Variants in DPP6 observed in about 807,000 individuals in gnomAD.
DPP6 encodes dipeptidyl peptidase like 6.
DPP6 carries 69 observed loss-of-function variants against 122.6 expected under a neutral mutation model. The ratio of observed to expected loss-of-function variants is 0.56; its 90% CI spans 0.46 to 0.69. The LOEUF (loss-of-function observed/expected upper bound fraction) is 0.69, where lower values mean the gene tolerates loss of function less well. DPP6 is among the 30% of genes least tolerant of loss of function. DPP6 has a pLI of 0.00. For missense variants in DPP6, 928 were observed against 1,116.9 expected (o/e 0.83, Z 2.41); for synonymous variants, 418 against 433.1 (o/e 0.97, Z 0.43).
the DPP6 span, among the ~76,000 whole-genome samples, chr7:153,827,430 G>T: frequency 6.6e-6 from 1 of 152,096 alleles, no homozygotes; most frequent in African/African-American, 2.4e-5. Flanking sequence ...AATGTAAGAT[G>T]ACTCTGAAAG....
intron 1 of DPP6, among the ~76,000 whole-genome samples, chr7:153,973,632 C>T (rs1195057917): frequency 7.0e-5 from 8 of 113,514 alleles, no homozygotes; most frequent in African/African-American, 2.5e-4. Flanking sequence ...CACCATCGCT[C>T]GTGTGTGTGT....
In DPP6 at chr7:154,760,841, GT is replaced by G. The variant is rs60134336; in HGVS notation, c.884-8563del. On this transcript the variant is annotated intron_variant, in intron 8 of 25. Transcript: ENST00000377770. This position sits in a 1 kb window ranked among gnomAD's most constrained non-coding sequence, Gnocchi z 4.5. ...TCAGCCTTCCTCTTTCAAAACTTTT[GT>G]TTTTTTTTTTTTGAGACAGTCTTGC... 1.6e-4 allele frequency among the ~76,000 whole-genome samples: 23 copies of G among 145,536 alleles called. No individual in the cohort carries two copies. The highest frequency in any genetic ancestry group is 2.2e-4 in the South Asian group (1 of 4,526).
chr7:154,697,737 C>T (rs532591451), intron 7 of DPP6, among the ~76,000 whole-genome samples: 22 of 152,278 alleles, frequency 1.4e-4, no homozygotes, highest in South Asian at 1.2e-3. Context: ...CAGTGTTAGA[C>T]GTAAAAATGC....
the DPP6 span, among the ~76,000 whole-genome samples, chr7:153,790,101 GTAAC>G: frequency 2.6e-5 from 4 of 152,050 alleles, no homozygotes; most frequent in Non-Finnish European, 5.9e-5. Context: ...ATAAATTTCA[GTAAC>G]TATTTTTTAT....
the DPP6 span, among the ~76,000 whole-genome samples, chr7:153,762,541 C>A: frequency 1.9e-4 from 29 of 151,820 alleles, no homozygotes; most frequent in Admixed American, 1.6e-3. Context: ...GAGGCCAAGG[C>A]GTGTGGATCA....
At chr7:153,960,665 G>A (rs1173968820) in intron 1 of DPP6, among the ~76,000 whole-genome samples, 1 of 96,340 alleles carries the variant, frequency 1.0e-5, no homozygotes, top group Non-Finnish European at 2.2e-5. Context: ...ATGTGTGTGC[G>A]GGTGTGTATG....
chr7:153,794,326 A>G, the DPP6 span, among the ~76,000 whole-genome samples: 1 of 152,214 alleles, frequency 6.6e-6, no homozygotes, highest in Non-Finnish European at 1.5e-5. Context: ...CATCAGCGTG[A>G]CCTGGATGTG....
intron 4 of DPP6, among the ~76,000 whole-genome samples, chr7:154,556,907 C>T (rs187388690): frequency 5.5e-5 from 7 of 127,844 alleles, no homozygotes; most frequent in East Asian, 4.3e-4. Flanking sequence ...ATAGAGCAAA[C>T]GTTCAGGAAT....
At chr7:154,123,752 G>A (rs569204384) in intron 1 of DPP6, among the ~76,000 whole-genome samples, 85 of 131,618 alleles carry the variant, frequency 6.5e-4, no homozygotes, top group South Asian at 1.3e-3. Context: ...CGCTCGTGGG[G>A]CTTACCTGGG....
At chr7:154,551,535 G>A (rs1027366926) in intron 4 of DPP6, among the ~76,000 whole-genome samples, 5 of 152,076 alleles carry the variant, frequency 3.3e-5, no homozygotes, top group African/African-American at 1.2e-4. Context: ...TTTTACCAAT[G>A]CCAGTGGAAG....
intron 1 of DPP6, among the ~76,000 whole-genome samples, chr7:154,207,914 C>T (rs530396667): frequency 2.0e-4 from 30 of 150,912 alleles, no homozygotes; most frequent in African/African-American, 7.3e-4. Flanking sequence ...ACGATCATGC[C>T]ACTGCACTCC....
At chr7:154,784,842 T>C (rs953294042) in intron 10 of DPP6, among the ~76,000 whole-genome samples, 2 of 152,172 alleles carry the variant, frequency 1.3e-5, no homozygotes. Context: ...GACTTAATCA[T>C]TCCCATCCCC....
At chr7:154,697,797 C>A (rs35624666) in intron 7 of DPP6, among the ~76,000 whole-genome samples, 3,970 of 152,288 alleles carry the variant, frequency 0.026, 62 homozygotes, top group Non-Finnish European at 0.04. Context: ...ATTCCCACCA[C>A]CTTCAGCCAT....
the DPP6 span, among the ~76,000 whole-genome samples, chr7:153,786,973 A>G: frequency 1.4e-5 from 2 of 144,870 alleles, no homozygotes; most frequent in Non-Finnish European, 3.1e-5. Flanking sequence ...GTTTTTTAAT[A>G]TGGACTCTCG....
intron 16 of DPP6, among the ~76,000 whole-genome samples, chr7:154,841,078 C>A (rs530694305): frequency 1.3e-5 from 2 of 152,162 alleles, no homozygotes; most frequent in Non-Finnish European, 2.9e-5. Context: ...TTGCTCGGAT[C>A]GAAAGTCATT....
chr7:154,234,957 C>T (rs561285479), intron 1 of DPP6, among the ~76,000 whole-genome samples: 1 of 152,290 alleles, frequency 6.6e-6, no homozygotes, highest in South Asian at 2.1e-4. Flanking sequence ...ATACCGGACA[C>T]ACAAAGGACA....
At chr7:154,063,807 T>A (rs1802477388) in intron 1 of DPP6, among the ~76,000 whole-genome samples, 1 of 151,604 alleles carries the variant, frequency 6.6e-6, no homozygotes, top group African/African-American at 2.4e-5. Flanking sequence ...TTAGGTGTCC[T>A]AGAAGAAAGT....
At chr7:153,964,640 G>C (rs142557594) in intron 1 of DPP6, among the ~76,000 whole-genome samples, 3 of 152,118 alleles carry the variant, frequency 2.0e-5, no homozygotes, top group Non-Finnish European at 4.4e-5. Flanking sequence ...CAGTAGGCTG[G>C]TTGGGCCACC....
intron 1 of DPP6, among the ~76,000 whole-genome samples, chr7:154,346,012 T>C (rs1046641385): frequency 2.0e-5 from 3 of 152,202 alleles, no homozygotes; most frequent in South Asian, 2.1e-4. Flanking sequence ...CGATTCTTTC[T>C]GTTACGTATC....
Sources: allele counts gnomAD v4.1 joint callset (sites outside exome capture counted in the v4.1 genomes callset), GRCh38; gene constraint gnomAD v4.1.1; non-coding constraint Gnocchi (gnomAD v3.1); transcripts MANE v1.5; gene names NCBI Gene and HGNC (gene_info 2026-07-23, HGNC 2026-07-21).